Variants in RGS22 observed in about 807,000 individuals in gnomAD.
The protein encoded by RGS22 is regulator of G-protein signaling 22.
In RGS22, 148 loss-of-function variants were observed where a neutral mutation model predicts 172.9. The ratio of observed to expected loss-of-function variants is 0.86; its 90% CI spans 0.75 to 0.98. The LOEUF (loss-of-function observed/expected upper bound fraction) is 0.98. RGS22 is among the 50% of genes least tolerant of loss of function. The pLI, the probability that RGS22 is intolerant of heterozygous loss-of-function variation, is 0.00. For synonymous variants in RGS22, 458 were observed against 480.2 expected (o/e 0.95, Z 0.60); for missense variants, 1,347 against 1,440.8 (o/e 0.93, Z 1.05).
chr8:99,961,531 C>T (rs111917887), intron 27 of RGS22, among the ~76,000 whole-genome samples: 10,502 of 152,222 alleles, frequency 0.069, 488 homozygotes, highest in African/African-American at 0.12. Context: ...GTTTGCTTCC[C>T]CTTCAGCCAT....
intron 4 of RGS22, among the ~76,000 whole-genome samples, chr8:100,079,295 A>G (rs1196628641): frequency 6.6e-6 from 1 of 152,208 alleles, no homozygotes; most frequent in African/African-American, 2.4e-5. Flanking sequence ...GGTTATTACT[A>G]TTAGCATTTA....
intron 14 of RGS22, among the ~76,000 whole-genome samples, chr8:100,016,568 G>A (rs892938540): frequency 2.0e-5 from 3 of 152,098 alleles, no homozygotes; most frequent in Admixed American, 6.6e-5. Flanking sequence ...ACGAGGTCAG[G>A]AGATCGAGAC....
intron 22 of RGS22, among the ~76,000 whole-genome samples, chr8:99,979,099 C>T (rs962772832): frequency 9.9e-5 from 15 of 152,168 alleles, no homozygotes; most frequent in Admixed American, 7.2e-4. Context: ...TTTGATGAAA[C>T]GCAGGCTTTT....
chr8:100,099,409 A>G (rs3133414), intron 2 of RGS22, among the ~76,000 whole-genome samples: 24,920 of 152,116 alleles, frequency 0.16, 2,744 homozygotes, highest in African/African-American at 0.31. Context: ...TATACTTTAC[A>G]GGTAAAAAGA....
chr8:100,100,886 T>C (rs989962549), intron 2 of RGS22, among the ~76,000 whole-genome samples: 127 of 152,348 alleles, frequency 8.3e-4, no homozygotes, highest in African/African-American at 2.9e-3. Context: ...AGTCTCTTTT[T>C]TAACTTTTCC....
chr8:100,104,252 A>G (rs1212965246), intron 2 of RGS22, among the ~76,000 whole-genome samples: 1 of 152,086 alleles, frequency 6.6e-6, no homozygotes, highest in Non-Finnish European at 1.5e-5. Flanking sequence ...CAGGGAAGTC[A>G]GGGCTGCAGT....
intron 14 of RGS22, among the ~76,000 whole-genome samples, chr8:100,032,727 C>A (rs1818968972): frequency 6.6e-6 from 1 of 152,170 alleles, no homozygotes; most frequent in Non-Finnish European, 1.5e-5. Flanking sequence ...CTTCTCAGCA[C>A]CACATAGCAC....
At chr8:100,059,153 G>T (rs1809893729) in intron 9 of RGS22, among the ~76,000 whole-genome samples, 1 of 151,612 alleles carries the variant, frequency 6.6e-6, no homozygotes. Context: ...GGATACACAA[G>T]AAATAAAAAG....
At chr8:100,020,752 C>T (rs1817523313) in intron 14 of RGS22, among the ~76,000 whole-genome samples, 1 of 152,076 alleles carries the variant, frequency 6.6e-6, no homozygotes, top group Non-Finnish European at 1.5e-5. Flanking sequence ...TGATTCAAGT[C>T]CAAAGGCCTC....
intron 13 of RGS22, among the ~76,000 whole-genome samples, chr8:100,039,271 A>G (rs1041307472): frequency 2.0e-5 from 3 of 151,308 alleles, no homozygotes; most frequent in Non-Finnish European, 4.4e-5. Flanking sequence ...TTAAAATGGT[A>G]AGTATTCTAG....
At chr8:100,081,381 T>C (rs1359851246) in intron 3 of RGS22, among the ~76,000 whole-genome samples, 1 of 148,640 alleles carries the variant, frequency 6.7e-6, no homozygotes. Flanking sequence ...TATATATATA[T>C]ATTTAAATTT....
intron 20 of RGS22, among the ~76,000 whole-genome samples, chr8:99,993,222 C>A (rs577040163): frequency 1.3e-5 from 2 of 152,044 alleles, no homozygotes; most frequent in Admixed American, 6.5e-5. Flanking sequence ...GAAGCAAGAG[C>A]AAACAAATTC....
intron 2 of RGS22, among the ~76,000 whole-genome samples, chr8:100,095,217 C>T (rs757759249): frequency 5.1e-4 from 78 of 152,012 alleles, no homozygotes; most frequent in Non-Finnish European, 1.3e-4. Context: ...AAGGTCTTGC[C>T]CCGTCACCCA....
At chr8:100,090,257 G>A (rs1812474015) in intron 3 of RGS22, among the ~76,000 whole-genome samples, 1 of 152,160 alleles carries the variant, frequency 6.6e-6, no homozygotes, top group Non-Finnish European at 1.5e-5. Context: ...CTAAGATCAT[G>A]CTGGTAAGAG....
intron 23 of RGS22, among the ~76,000 whole-genome samples, chr8:99,971,382 T>G (rs1811322337): frequency 1.3e-5 from 2 of 152,152 alleles, no homozygotes; most frequent in South Asian, 2.1e-4. Context: ...GCGAGGGCAA[T>G]CAGGCAAGAG....
At chr8:100,001,315 C>A (rs1400867133) in intron 18 of RGS22, among the ~76,000 whole-genome samples, 1 of 150,032 alleles carries the variant, frequency 6.7e-6, no homozygotes, top group Admixed American at 6.7e-5. Flanking sequence ...CCACTCACTG[C>A]AACCTCTGCC....
chr8:100,012,384 A>G (rs190432940), intron 14 of RGS22, among the ~76,000 whole-genome samples: 1 of 152,302 alleles, frequency 6.6e-6, no homozygotes, highest in East Asian at 1.9e-4. Context: ...AGTGGCTTAA[A>G]GAGCAACAGT....
chr8:100,079,996 C>A, intron 4 of RGS22, 138 bp downstream of exon 4: 1 of 607,428 alleles, frequency 1.6e-6, no homozygotes. Flanking sequence ...TTGAAAAGTG[C>A]TTAACAAATA....
In RGS22 at chr8:99,993,446, C is replaced by CT. The variant is rs751157755; in HGVS notation, c.3018+3015_3018+3016insA. On this transcript the variant is annotated intron_variant, in intron 20 of 27. Transcript: ENST00000360863. ...GATAAAGTGGATATCATCACTGATCCCACAGAAATACAAACCACCATGAGA... is the reference window on the plus strand; with the variant it reads ...GATAAAGTGGATATCATCACTGATCCTCACAGAAATACAAACCACCATGAGA... Among the ~76,000 whole-genome samples, 4 of 151,906 alleles carry CT rather than the reference C, an allele frequency of 2.6e-5. No homozygotes were observed. In the South Asian group the frequency reaches 8.3e-4, roughly 32 times the overall value.
Sources: allele counts gnomAD v4.1 joint callset (sites outside exome capture counted in the v4.1 genomes callset), GRCh38; gene constraint gnomAD v4.1.1; transcripts MANE v1.5; gene names NCBI Gene and HGNC (gene_info 2026-07-23, HGNC 2026-07-21).